The following SEMA3E variants were observed in gnomAD, a reference collection of about 807,000 sequenced individuals.
SEMA3E encodes the protein semaphorin-3E.
SEMA3E carries 49 observed loss-of-function variants against 93.6 expected under a neutral mutation model. That is an observed-to-expected ratio of 0.52 (90% CI 0.42 to 0.66). The LOEUF (loss-of-function observed/expected upper bound fraction) is 0.66. Among genes scored for constraint, SEMA3E ranks in the 30% least tolerant of loss-of-function variants. The probability of loss-of-function intolerance (pLI) is 0.00; values close to 1 mark genes in which losing one functional copy is unlikely to be tolerated. For missense variants in SEMA3E, 906 were observed against 964.8 expected (o/e 0.94, Z 0.81); for synonymous variants, 363 against 330.7 (o/e 1.10, Z -1.06).
At chr7:83,504,452 A>G (rs1025581893) in intron 1 of SEMA3E, among the ~76,000 whole-genome samples, 2 of 152,204 alleles carry the variant, frequency 1.3e-5, no homozygotes, top group Admixed American at 1.3e-4. Context: ...CTGTTAAATT[A>G]CGTGCCTCAA....
intron 1 of SEMA3E, among the ~76,000 whole-genome samples, chr7:83,567,896 T>A (rs1202296999): frequency 6.6e-6 from 1 of 150,526 alleles, no homozygotes; most frequent in African/African-American, 2.4e-5. Flanking sequence ...AAAGAAATAA[T>A]AAAGATCAGA....
intron 1 of SEMA3E, among the ~76,000 whole-genome samples, chr7:83,577,575 A>G (rs886734118): frequency 6.6e-6 from 1 of 152,132 alleles, no homozygotes; most frequent in African/African-American, 2.4e-5. Context: ...ATATTTTGTA[A>G]TGTTTTGCTT....
intron 1 of SEMA3E, among the ~76,000 whole-genome samples, chr7:83,566,084 G>A (rs1355800786): frequency 6.1e-5 from 8 of 130,768 alleles, no homozygotes; most frequent in African/African-American, 1.7e-4. Context: ...GCCAATCTCC[G>A]CCTCCTGGGT....
intron 2 of SEMA3E, among the ~76,000 whole-genome samples, chr7:83,470,417 T>C (rs1361862645): frequency 1.3e-5 from 2 of 152,152 alleles, no homozygotes; most frequent in African/African-American, 2.4e-5. Context: ...GAATTGATTG[T>C]ACTATGTGCC....
At chr7:83,597,545 G>T (rs971494816) in intron 1 of SEMA3E, among the ~76,000 whole-genome samples, 2 of 151,994 alleles carry the variant, frequency 1.3e-5, no homozygotes, top group Non-Finnish European at 2.9e-5. Context: ...TTTATTACCA[G>T]CTTTCACTCA....
chr7:83,385,691 G>A (rs964828211), intron 15 of SEMA3E, among the ~76,000 whole-genome samples: 5 of 152,038 alleles, frequency 3.3e-5, no homozygotes, highest in African/African-American at 7.2e-5. Context: ...GGATAGTCAA[G>A]GCAGTAAGAA....
intron 2 of SEMA3E, among the ~76,000 whole-genome samples, chr7:83,488,777 G>A (rs1474330452): frequency 6.6e-5 from 10 of 152,068 alleles, no homozygotes; most frequent in South Asian, 6.2e-4. Flanking sequence ...CAGACAAGTG[G>A]AGCATGGAGG....
In SEMA3E at chr7:83,366,187, A is replaced by C. The variant is rs568512345; in HGVS notation, c.*1399T>G. The C allele has an allele frequency of 6.6e-6, 1 of 152,236 alleles. No individual in the cohort carries two copies. The highest frequency in any genetic ancestry group is 1.5e-5 in the Non-Finnish European group (1 of 67,936). The allele number at this position is 152,236 out of a possible 1,614,324, so 9.4% of individuals were successfully genotyped here. On this transcript the variant is annotated 3_prime_UTR_variant, in exon 17 of 17. Coordinates refer to ENST00000643230, the MANE Select transcript of SEMA3E (RefSeq NM_012431.3). The stretch of plus-strand genomic sequence containing the variant: ...ACTGAAATAAACACTGTTTAAGATT[A>C]ATATCTAAATAAATGTTCATAATGG...
chr7:83,418,139 CAT>C (rs1451375709), intron 5 of SEMA3E, among the ~76,000 whole-genome samples: 1 of 152,148 alleles, frequency 6.6e-6, no homozygotes, highest in African/African-American at 2.4e-5. Context: ...ACACCAAATA[CAT>C]GAGATATTAA....
At chr7:83,389,713 C>T (rs993497908) in intron 14 of SEMA3E, among the ~76,000 whole-genome samples, 2 of 144,998 alleles carry the variant, frequency 1.4e-5, no homozygotes, top group Admixed American at 7.0e-5. Flanking sequence ...CATATATACA[C>T]GTATATATTA....
intron 1 of SEMA3E, among the ~76,000 whole-genome samples, chr7:83,648,089 G>C (rs1328915112): frequency 6.6e-6 from 1 of 152,060 alleles, no homozygotes; most frequent in Admixed American, 6.5e-5. Flanking sequence ...TGTTAACTTG[G>C]TGGATTCAGC....
At chr7:83,639,488 G>A (rs186722036) in intron 1 of SEMA3E, among the ~76,000 whole-genome samples, 30 of 151,536 alleles carry the variant, frequency 2.0e-4, no homozygotes, top group Admixed American at 1.2e-3. Flanking sequence ...AAGCCCAGGC[G>A]GTAATTATAG....
chr7:83,459,671 C>T (rs909070177), intron 4 of SEMA3E, among the ~76,000 whole-genome samples: 2 of 152,154 alleles, frequency 1.3e-5, no homozygotes, highest in African/African-American at 2.4e-5. Context: ...TGCTAATTGT[C>T]AGGCCTCTGA....
intron 16 of SEMA3E, chr7:83,371,855 T>G (rs1047680421): frequency 1.3e-5 from 2 of 154,936 alleles, no homozygotes; most frequent in African/African-American, 2.4e-5. Context: ...AACTTTCCCT[T>G]CCTTTATAAA....
At chr7:83,439,067 T>A (rs2115776113) in intron 4 of SEMA3E, among the ~76,000 whole-genome samples, 1 of 152,288 alleles carries the variant, frequency 6.6e-6, no homozygotes, top group South Asian at 2.1e-4. Flanking sequence ...GAATATCTAC[T>A]TTTCATGGGA....
chr7:83,599,948 A>C (rs1269416163), intron 1 of SEMA3E, among the ~76,000 whole-genome samples: 1 of 152,256 alleles, frequency 6.6e-6, no homozygotes, highest in East Asian at 1.9e-4. Context: ...TTTTCTACAC[A>C]AAAATACATT....
At chr7:83,521,463 GT>G (rs1485674295) in intron 1 of SEMA3E, among the ~76,000 whole-genome samples, 1 of 152,110 alleles carries the variant, frequency 6.6e-6, no homozygotes, top group African/African-American at 2.4e-5. Context: ...CTGGAATTTT[GT>G]TTTAAGTTTC....
intron 2 of SEMA3E, among the ~76,000 whole-genome samples, chr7:83,483,196 T>C (rs1010877070): frequency 6.6e-6 from 1 of 152,260 alleles, no homozygotes; most frequent in Admixed American, 6.5e-5. Flanking sequence ...AATATATAAA[T>C]GTAGAAGGCA....
chr7:83,539,895 G>GTGTGTGTT (rs1367132669), intron 1 of SEMA3E, among the ~76,000 whole-genome samples: 5 of 150,428 alleles, frequency 3.3e-5, no homozygotes, highest in African/African-American at 1.2e-4. Flanking sequence ...GTGTGTGTGT[G>GTGTGTGTT]TTTGAAGTGG....
Sources: allele counts gnomAD v4.1 joint callset (sites outside exome capture counted in the v4.1 genomes callset), GRCh38; gene constraint gnomAD v4.1.1; transcripts MANE v1.5; gene names NCBI Gene and HGNC (gene_info 2026-07-23, HGNC 2026-07-21).